The following ASH1L variants were observed in gnomAD, a reference collection of about 807,000 sequenced individuals.
The protein encoded by ASH1L is histone-lysine N-methyltransferase ASH1L.
Under a neutral mutation model 269.0 loss-of-function variants are expected in ASH1L, and 23 were observed. That is an observed-to-expected ratio of 0.09 (90% confidence interval 0.06 to 0.12). The LOEUF is 0.12. Among genes scored for constraint, ASH1L ranks in the 10% least tolerant of loss-of-function variants. The probability of loss-of-function intolerance (pLI) is 1.00; values close to 1 mark genes in which losing one functional copy is unlikely to be tolerated. For synonymous variants in ASH1L, 1,187 were observed against 1,253.5 expected (o/e 0.95, Z 1.12); for missense variants, 2,912 against 3,567.8 (o/e 0.82, Z 4.68).
intron 10 of ASH1L, among the ~76,000 whole-genome samples, chr1:155,374,568 C>T (rs2148427062): frequency 6.6e-6 from 1 of 152,248 alleles, no homozygotes; most frequent in East Asian, 1.9e-4. Context: ...CAAATTCAAC[C>T]ACCTTTACTC....
At chr1:155,511,386 C>T (rs1668151219) in intron 2 of ASH1L, among the ~76,000 whole-genome samples, 1 of 152,208 alleles carries the variant, frequency 6.6e-6, no homozygotes, top group Non-Finnish European at 1.5e-5. Context: ...TTTCTAGATT[C>T]AGGAGATTCT....
At chr1:155,338,894 C>T (rs989529568) in intron 26 of ASH1L, among the ~76,000 whole-genome samples, 21 of 152,180 alleles carry the variant, frequency 1.4e-4, no homozygotes, top group African/African-American at 5.1e-4. Context: ...AAAAAGCCTT[C>T]TGTCATCTTT....
intron 5 of ASH1L, among the ~76,000 whole-genome samples, chr1:155,428,452 A>T (rs7522660): frequency 0.061 from 9,125 of 150,780 alleles, 583 homozygotes; most frequent in African/African-American, 0.17. Context: ...CAAAAAAAAA[A>T]ATATATATAT....
At chr1:155,401,477 C>CAA (rs545010671) in intron 6 of ASH1L, among the ~76,000 whole-genome samples, 21 of 65,868 alleles carry the variant, frequency 3.2e-4, no homozygotes, top group Admixed American at 5.2e-4. Flanking sequence ...GACTCCATCT[C>CAA]AAAAAAAAAA....
intron 6 of ASH1L, among the ~76,000 whole-genome samples, chr1:155,413,381 G>A (rs759057731): frequency 3.9e-5 from 6 of 152,018 alleles, no homozygotes; most frequent in African/African-American, 7.2e-5. Flanking sequence ...AGAGGAGGGC[G>A]GATCACCTGA....
chr1:155,481,271 T>C lies in ASH1L; in HGVS notation c.1599A>G (p.Lys533=). ...PPVYCTSPDF[K]MGGASDVSTA... ...TAGATACATCAGAAGCACCTCCCAT[T>C]TTAAAGTCCGGAGAAGTGCAATATA... The change falls in exon 3 of 28, where the codon AAA becomes AAG. Residue 533 remains lysine, a synonymous_variant. Coordinates refer to ENST00000392403, the MANE Select transcript of ASH1L (RefSeq NM_018489.3). The C allele has an allele frequency of 6.2e-7, 1 of 1,614,110 alleles. No individual in the cohort carries two copies. The highest frequency in any genetic ancestry group is 1.7e-5 in the Admixed American group (1 of 60,010).
intron 4 of ASH1L, among the ~76,000 whole-genome samples, chr1:155,452,738 G>A (rs1002983948): frequency 6.6e-6 from 1 of 151,984 alleles, no homozygotes; most frequent in African/African-American, 2.4e-5. Context: ...TGTGTTTTTA[G>A]TAGAAATGGG....
chr1:155,383,836 CGGGGATG>C (rs1657185271), intron 7 of ASH1L, among the ~76,000 whole-genome samples: 1 of 151,886 alleles, frequency 6.6e-6, no homozygotes, highest in Non-Finnish European at 1.5e-5. Flanking sequence ...GAAAAAGTTC[CGGGGATG>C]GATAGCAGTC....
At chr1:155,551,961 T>C (rs1558218762) in intron 1 of ASH1L, among the ~76,000 whole-genome samples, 1 of 149,650 alleles carries the variant, frequency 6.7e-6, no homozygotes, top group African/African-American at 2.5e-5. Context: ...GGGCGAAAGG[T>C]TGAGACTCCG....
At chr1:155,559,261 G>A (rs994563850) in intron 1 of ASH1L, among the ~76,000 whole-genome samples, 1 of 152,042 alleles carries the variant, frequency 6.6e-6, no homozygotes, top group African/African-American at 2.4e-5. Context: ...AGATGAGGCC[G>A]GGCGCGGTGG....
At chr1:155,540,063 G>A (rs1670323635) in intron 1 of ASH1L, among the ~76,000 whole-genome samples, 2 of 149,872 alleles carry the variant, frequency 1.3e-5, no homozygotes, top group African/African-American at 4.9e-5. Flanking sequence ...GCAAGACCTT[G>A]TCTCAAAAAA....
Position 155,480,453 on chromosome 1 carries a change from G to C in ASH1L, c.2417C>G (p.Thr806Ser). 6.2e-7 allele frequency: 1 copy of C among 1,614,092 alleles called. No individual in the cohort carries two copies. Among genetic ancestry groups the C allele is most frequent in the Non-Finnish European group, 8.5e-7 (1 of 1,179,966 alleles). ...ACACATACTGGAGGATAGTTTGTGA[G>C]TAGCAAAAGACTTATGAGATGGTTT... ...SEKPSHKSFA[T>S]HKLSSSMCVS... Residue 806 changes from threonine (T) to serine (S), a missense_variant, in exon 3 of 28, where the codon ACT (threonine) becomes AGT (serine). By Grantham distance (58) the Thr-to-Ser change is moderately conservative. Transcript: ENST00000392403.
chr1:155,467,945 A>G (rs1664810457), intron 3 of ASH1L, among the ~76,000 whole-genome samples: 1 of 152,168 alleles, frequency 6.6e-6, no homozygotes, highest in African/African-American at 2.4e-5. Flanking sequence ...AACATCCCCC[A>G]ATGTTAACAT....
intron 1 of ASH1L, among the ~76,000 whole-genome samples, chr1:155,538,185 A>G (rs974189162): frequency 6.7e-6 from 1 of 149,660 alleles, no homozygotes; most frequent in Non-Finnish European, 1.5e-5. Context: ...TCACCAGGCC[A>G]GGCTAATTTT....
At chr1:155,517,277 G>A (rs1213698083) in intron 2 of ASH1L, among the ~76,000 whole-genome samples, 1 of 152,182 alleles carries the variant, frequency 6.6e-6, no homozygotes, top group African/African-American at 2.4e-5. Flanking sequence ...TTGAGCCCAG[G>A]AGTTTGAGGC....
intron 6 of ASH1L, among the ~76,000 whole-genome samples, chr1:155,401,906 TG>T (rs1658888711): frequency 6.6e-6 from 1 of 151,928 alleles, no homozygotes; most frequent in Non-Finnish European, 1.5e-5. Context: ...CTGGCCAACA[TG>T]GTGAAACCCC....
rs769727623 is a variant in ASH1L at position 155,479,445 on chromosome 1, T to C, written c.3425A>G (p.Gln1142Arg). 6.2e-7 allele frequency: 1 copy of C among 1,614,176 alleles called. No homozygotes were observed. The highest frequency in any genetic ancestry group is 8.5e-7 in the Non-Finnish European group (1 of 1,180,016). ...SVPYLHLHSRQGSMIQTLAMK... is the reference protein window; with the variant it reads ...SVPYLHLHSRRGSMIQTLAMK... ...TGCAAGAGTCTGAATCATACTGCCC[T>C]GTCTGGAGTGTAAATGCAAATATGG... The change falls in exon 3 of 28, where the codon CAG (glutamine) becomes CGG (arginine). Residue 1142 changes from glutamine to arginine, a missense_variant. Gln to Arg is a conservative substitution (Grantham distance 43). Coordinates refer to ENST00000392403, the MANE Select transcript of ASH1L (RefSeq NM_018489.3).
intron 13 of ASH1L, among the ~76,000 whole-genome samples, chr1:155,358,363 C>G (rs1477119449): frequency 1.3e-5 from 2 of 151,992 alleles, no homozygotes; most frequent in Non-Finnish European, 2.9e-5. Context: ...GAGTAAAAAA[C>G]TGTCCTCTCC....
At chr1:155,346,308 G>A in intron 21 of ASH1L, 75 bp downstream of exon 21, 1 of 1,563,478 alleles carries the variant, frequency 6.4e-7, no homozygotes, top group Non-Finnish European at 8.8e-7. Flanking sequence ...CTGCAAAGCA[G>A]GAGCAGGACA....
Sources: gnomAD v4.1 joint callset for allele counts (sites outside exome capture counted in the v4.1 genomes callset) on GRCh38, gnomAD v4.1.1 for gene constraint, MANE v1.5 for transcripts, NCBI Gene and HGNC (gene_info 2026-07-23, HGNC 2026-07-21) for gene names.